VPS13B: variants seen among roughly 807,000 people sequenced by gnomAD.
VPS13B encodes vacuolar protein sorting 13 homolog B, also known as intermembrane lipid transfer protein VPS13B.
Under a neutral mutation model 426.4 loss-of-function variants are expected in VPS13B, and 285 were observed. That is an observed-to-expected ratio of 0.67 (90% CI 0.61 to 0.74). The LOEUF is 0.74. Among genes scored for constraint, VPS13B ranks in the 30% least tolerant of loss-of-function variants. The pLI is 0.00. For synonymous variants in VPS13B, 1,676 were observed against 1,676.4 expected (o/e 1.00, Z 0.01); for missense variants, 4,537 against 4,782.6 (o/e 0.95, Z 1.51).
chr8:99,505,882 A>G (rs1464661168), intron 27 of VPS13B, among the ~76,000 whole-genome samples: 1 of 152,202 alleles, frequency 6.6e-6, no homozygotes, highest in Non-Finnish European at 1.5e-5. Flanking sequence ...TAACAGATAC[A>G]TTGATTAATT....
intron 26 of VPS13B, among the ~76,000 whole-genome samples, chr8:99,502,282 C>G (rs939338635): frequency 6.6e-6 from 1 of 152,056 alleles, no homozygotes; most frequent in East Asian, 1.9e-4. Flanking sequence ...CCATGCCCGG[C>G]CTGGATTGCT....
chr8:99,106,779 C>T (rs955139861), intron 5 of VPS13B, among the ~76,000 whole-genome samples: 9 of 152,262 alleles, frequency 5.9e-5, no homozygotes, highest in African/African-American at 1.9e-4. Context: ...TTCAGTTCTG[C>T]GTGTATATAT....
intron 17 of VPS13B, among the ~76,000 whole-genome samples, chr8:99,271,089 G>A (rs1300573700): frequency 6.6e-6 from 1 of 151,842 alleles, no homozygotes; most frequent in Non-Finnish European, 1.5e-5. Context: ...AATAAACTAG[G>A]CATCATGCAT....
At position 99,654,200 on chromosome 8, in the gene VPS13B, C is replaced by T. The variant is rs1829935600; in HGVS notation, c.5909-7154C>T. 2.6e-5 allele frequency among the ~76,000 whole-genome samples: 4 copies of T among 152,164 alleles called. No individual in the cohort carries two copies. In the South Asian group the frequency reaches 8.3e-4, roughly 32 times the overall value. ...AGTAGCTGGGACTATAGGCGCCCGC[C>T]ACCACGCCCGGCTAATTTTTTGTAT... is the stretch of plus-strand genomic sequence containing the variant. On this transcript the variant is annotated intron_variant, in intron 34 of 61. Transcript: ENST00000357162.
intron 14 of VPS13B, among the ~76,000 whole-genome samples, chr8:99,151,574 C>G (rs562639023): frequency 6.6e-6 from 1 of 151,664 alleles, no homozygotes; most frequent in South Asian, 2.1e-4. Context: ...ACTTTTGTTG[C>G]CCAGGCTGGA....
At chr8:99,423,791 C>A (rs1042676283) in intron 21 of VPS13B, among the ~76,000 whole-genome samples, 8 of 152,096 alleles carry the variant, frequency 5.3e-5, no homozygotes, top group African/African-American at 1.9e-4. Context: ...GTTATAATTT[C>A]TGTCCTTTTA....
At chr8:99,477,530 A>G (rs552281507) in intron 24 of VPS13B, among the ~76,000 whole-genome samples, 29 of 152,338 alleles carry the variant, frequency 1.9e-4, no homozygotes, top group African/African-American at 5.5e-4. Context: ...GACTGTAGCC[A>G]GTGTGTACGT....
chr8:99,353,190 G>A (rs950388388), intron 19 of VPS13B, among the ~76,000 whole-genome samples: 1 of 151,948 alleles, frequency 6.6e-6, no homozygotes, highest in African/African-American at 2.4e-5. Flanking sequence ...TACCATGTTG[G>A]CCAGGCTGTT....
intron 14 of VPS13B, among the ~76,000 whole-genome samples, chr8:99,150,055 G>T (rs985684210): frequency 1.8e-4 from 27 of 152,178 alleles, no homozygotes; most frequent in African/African-American, 6.3e-4. Context: ...AAGAAGTTAT[G>T]TAAGGGAATT....
intron 59 of VPS13B, among the ~76,000 whole-genome samples, chr8:99,870,042 G>A (rs547494581): frequency 1.2e-4 from 19 of 152,328 alleles, no homozygotes; most frequent in South Asian, 4.1e-4. Flanking sequence ...TTTAACAGCC[G>A]GATTAAGTCG....
intron 17 of VPS13B, among the ~76,000 whole-genome samples, chr8:99,242,979 A>G (rs1817013960): frequency 6.6e-6 from 1 of 152,124 alleles, no homozygotes. Context: ...AAATTTCAGC[A>G]AATGTGGGAA....
At chr8:99,684,833 T>A (rs1347322860) in intron 35 of VPS13B, among the ~76,000 whole-genome samples, 1 of 152,252 alleles carries the variant, frequency 6.6e-6, no homozygotes, top group Non-Finnish European at 1.5e-5. Flanking sequence ...AGACAGAGTC[T>A]TGCTCTGTCG....
At chr8:99,770,025 G>C (rs947523704) in intron 40 of VPS13B, among the ~76,000 whole-genome samples, 1 of 151,944 alleles carries the variant, frequency 6.6e-6, no homozygotes, top group African/African-American at 2.4e-5. Context: ...CAAGCAAAAC[G>C]GTGCATGCCT....
intron 3 of VPS13B, among the ~76,000 whole-genome samples, chr8:99,088,859 A>T (rs1845986825): frequency 6.6e-6 from 1 of 152,168 alleles, no homozygotes; most frequent in Non-Finnish European, 1.5e-5. Context: ...GCTATCCATT[A>T]TCATTTCAGT....
chr8:99,131,138 A>G (rs1809775172), intron 8 of VPS13B, among the ~76,000 whole-genome samples: 1 of 152,138 alleles, frequency 6.6e-6, no homozygotes, highest in African/African-American at 2.4e-5. Context: ...TTCTTTTTGG[A>G]ATAATTTTAG....
intron 17 of VPS13B, among the ~76,000 whole-genome samples, chr8:99,194,634 G>A (rs977905368): frequency 1.3e-5 from 2 of 152,002 alleles, no homozygotes; most frequent in Non-Finnish European, 2.9e-5. Context: ...AATCTATTGC[G>A]GATATATGCC....
chr8:99,697,168 A>C, intron 35 of VPS13B: 1 of 546,118 alleles, frequency 1.8e-6, no homozygotes, highest in Non-Finnish European at 3.4e-6. Flanking sequence ...GTGGCAAAGG[A>C]AGAGCAGGTG....
At chr8:99,100,328 T>C (rs961927180) in intron 4 of VPS13B, among the ~76,000 whole-genome samples, 1 of 152,172 alleles carries the variant, frequency 6.6e-6, no homozygotes, top group Non-Finnish European at 1.5e-5. Flanking sequence ...TTCACTCCTG[T>C]CACCCAGGCT....
intron 41 of VPS13B, among the ~76,000 whole-genome samples, chr8:99,778,048 G>A (rs1291887825): frequency 3.3e-5 from 5 of 151,876 alleles, no homozygotes; most frequent in East Asian, 3.9e-4. Flanking sequence ...TGGCTAACAC[G>A]GTGAAACCCC....
Sources: allele counts gnomAD v4.1 joint callset (sites outside exome capture counted in the v4.1 genomes callset), GRCh38; gene constraint gnomAD v4.1.1; transcripts MANE v1.5; gene names NCBI Gene and HGNC (gene_info 2026-07-23, HGNC 2026-07-21).